MPP7: variants seen among roughly 807,000 people sequenced by gnomAD.
MPP7 encodes the protein MAGUK p55 subfamily member 7.
Under a neutral mutation model 76.5 loss-of-function variants are expected in MPP7, and 60 were observed. The ratio of observed to expected loss-of-function variants is 0.78; its 90% confidence interval spans 0.64 to 0.97. The LOEUF (loss-of-function observed/expected upper bound fraction) is 0.97. Ranked by LOEUF, MPP7 falls within the 50% of genes least tolerant of loss-of-function variation. The probability of loss-of-function intolerance (pLI) is 0.00; values close to 1 mark genes in which losing one functional copy is unlikely to be tolerated. For missense variants in MPP7, 641 were observed against 694.0 expected (o/e 0.92, Z 0.86); for synonymous variants, 237 against 244.5 (o/e 0.97, Z 0.29).
At chr10:28,177,838 G>T (rs1287710463) in intron 3 of MPP7, among the ~76,000 whole-genome samples, 2 of 152,118 alleles carry the variant, frequency 1.3e-5, no homozygotes, top group African/African-American at 4.8e-5. Context: ...TCATGCTGGC[G>T]GATCAGGGAT....
At chr10:28,273,395 A>G (rs1840389897) in intron 1 of MPP7, among the ~76,000 whole-genome samples, 1 of 152,224 alleles carries the variant, frequency 6.6e-6, no homozygotes, top group Admixed American at 6.5e-5. Flanking sequence ...ACAGCCTACA[A>G]AAGATTAAAG....
intron 1 of MPP7, among the ~76,000 whole-genome samples, chr10:28,253,255 G>C (rs770516538): frequency 1.3e-5 from 2 of 152,140 alleles, no homozygotes; most frequent in Non-Finnish European, 2.9e-5. Context: ...CTTGGTAAAA[G>C]ATGAGCTGGC....
intron 12 of MPP7, among the ~76,000 whole-genome samples, chr10:28,074,270 C>T (rs1852378166): frequency 6.6e-6 from 1 of 151,938 alleles, no homozygotes; most frequent in Non-Finnish European, 1.5e-5. Flanking sequence ...GCATCTAGAT[C>T]CACCTAGAGC....
chr10:28,217,588 T>C (rs996613265), intron 2 of MPP7, among the ~76,000 whole-genome samples: 1 of 149,770 alleles, frequency 6.7e-6, no homozygotes, highest in Non-Finnish European at 1.5e-5. Context: ...GAAGAACTTT[T>C]AACAAAAAAA....
rs1245423804 is a variant in MPP7, at chr10:28,113,239, G to C, written c.952+6412C>G. 4.6e-5 allele frequency among the ~76,000 whole-genome samples: 7 copies of C among 152,234 alleles called. No homozygotes were observed. The South Asian group carries it at 6.2e-4, about 14-fold the overall frequency. ...GGGTAATGTCCTGGACCCCAGTGAA[G>C]GCTTTGGTCCCCCCATCTCTCTTGC... On this transcript the variant is annotated intron_variant, in intron 11 of 16. Transcript: ENST00000683449.
intron 1 of MPP7, among the ~76,000 whole-genome samples, chr10:28,300,208 G>A (rs916213820): frequency 2.6e-5 from 4 of 152,040 alleles, no homozygotes; most frequent in South Asian, 2.1e-4. Flanking sequence ...TCCAGTAAGC[G>A]CCCCCCAGTG....
intron 2 of MPP7, among the ~76,000 whole-genome samples, chr10:28,234,804 TTTGTTTTG>T (rs1033644343): frequency 1.3e-5 from 2 of 152,212 alleles, no homozygotes; most frequent in Admixed American, 6.5e-5. Flanking sequence ...TGTTTTTTGT[TTTGTTTTG>T]TTGTTTTGTT....
chr10:28,161,758 C>T (rs1208554107), intron 3 of MPP7, among the ~76,000 whole-genome samples: 1 of 152,066 alleles, frequency 6.6e-6, no homozygotes, highest in Non-Finnish European at 1.5e-5. Flanking sequence ...ATTATTTCCC[C>T]AACTTTTCAC....
At chr10:28,236,351 G>A (rs1001923044) in intron 2 of MPP7, among the ~76,000 whole-genome samples, 8 of 152,060 alleles carry the variant, frequency 5.3e-5, no homozygotes, top group African/African-American at 9.7e-5. Flanking sequence ...ATAGATAAAC[G>A]TGCGTAAACA....
intron 6 of MPP7, 40 bp from the exon 7 acceptor site, chr10:28,125,131 G>T: frequency 6.7e-7 from 1 of 1,497,668 alleles, no homozygotes; most frequent in Non-Finnish European, 9.3e-7. Flanking sequence ...GGGTAAATGT[G>T]TGTACTAGGT....
intron 3 of MPP7, among the ~76,000 whole-genome samples, chr10:28,165,821 T>A (rs932970918): frequency 2.0e-5 from 3 of 152,014 alleles, no homozygotes; most frequent in African/African-American, 7.2e-5. Flanking sequence ...GTTCAGGAGT[T>A]CGAGACCAGC....
At chr10:28,176,452 T>C (rs1836864172) in intron 3 of MPP7, among the ~76,000 whole-genome samples, 2 of 152,204 alleles carry the variant, frequency 1.3e-5, no homozygotes, top group South Asian at 4.2e-4. Flanking sequence ...ATAATTGCAC[T>C]GGCTGGGCAT....
At chr10:28,149,015 A>C (rs1835796294) in intron 4 of MPP7, among the ~76,000 whole-genome samples, 1 of 152,236 alleles carries the variant, frequency 6.6e-6, no homozygotes, top group Non-Finnish European at 1.5e-5. Context: ...CATACTTGTA[A>C]TCTTTGTAGA....
At chr10:28,295,928 A>T (rs144045888) in intron 1 of MPP7, among the ~76,000 whole-genome samples, 4 of 152,332 alleles carry the variant, frequency 2.6e-5, no homozygotes, top group African/African-American at 9.6e-5. Context: ...TATGAGAAAT[A>T]AGTATATTCA....
intron 3 of MPP7, among the ~76,000 whole-genome samples, chr10:28,152,584 T>G (rs1473959781): frequency 1.3e-5 from 2 of 152,240 alleles, no homozygotes; most frequent in African/African-American, 4.8e-5. Flanking sequence ...GGTTAGCCAC[T>G]GGCCACGTGT....
intron 5 of MPP7, among the ~76,000 whole-genome samples, chr10:28,134,877 A>G (rs548296824): frequency 2.0e-5 from 3 of 152,284 alleles, no homozygotes; most frequent in Non-Finnish European, 4.4e-5. Flanking sequence ...GACAGTTCAA[A>G]TACCTTCAAA....
chr10:28,068,478 GCTTT>G (rs1265635229), intron 13 of MPP7, among the ~76,000 whole-genome samples: 3 of 151,318 alleles, frequency 2.0e-5, no homozygotes, highest in African/African-American at 7.2e-5. Flanking sequence ...CTTTTAGACA[GCTTT>G]CTATTATCAA....
intron 2 of MPP7, among the ~76,000 whole-genome samples, chr10:28,215,398 T>C (rs1186436086): frequency 1.3e-5 from 2 of 151,780 alleles, no homozygotes; most frequent in African/African-American, 2.4e-5. Context: ...CAGCCAGATA[T>C]CGATAATCAT....
chr10:28,196,366 G>C (rs549923600), intron 3 of MPP7, among the ~76,000 whole-genome samples: 1 of 151,814 alleles, frequency 6.6e-6, no homozygotes, highest in East Asian at 1.9e-4. Flanking sequence ...TGTAATTGCA[G>C]CTACACGGGA....
Sources: gnomAD v4.1 joint callset for allele counts (sites outside exome capture counted in the v4.1 genomes callset) on GRCh38, gnomAD v4.1.1 for gene constraint, MANE v1.5 for transcripts, NCBI Gene and HGNC (gene_info 2026-07-23, HGNC 2026-07-21) for gene names.